Variants in TMEM232 observed in about 807,000 individuals in gnomAD.
TMEM232 encodes the protein transmembrane protein 232.
A neutral mutation model predicts 78.8 loss-of-function variants in TMEM232; 80 were observed. The observed-to-expected ratio is 1.01, with a 90% CI of 0.85 to 1.22. TMEM232 has a LOEUF of 1.22. Ranked by LOEUF, TMEM232 falls within the 50% of genes most tolerant of loss-of-function variation. The pLI is 0.00. For missense variants in TMEM232, 881 were observed against 742.2 expected (o/e 1.19, Z -2.17); for synonymous variants, 297 against 254.3 (o/e 1.17, Z -1.60).
chr5:110,465,386 C>G (rs1440161062), intron 12 of TMEM232, among the ~76,000 whole-genome samples: 1 of 152,154 alleles, frequency 6.6e-6, no homozygotes, highest in Non-Finnish European at 1.5e-5. Flanking sequence ...AAGGCAGCCT[C>G]TATAAAAGGG....
At chr5:110,572,095 AAGG>A (rs1777016194) in intron 10 of TMEM232, among the ~76,000 whole-genome samples, 1 of 151,962 alleles carries the variant, frequency 6.6e-6, no homozygotes, top group South Asian at 2.1e-4. Context: ...ATACAGGGGA[AAGG>A]AGAAGTACAT....
intron 12 of TMEM232, among the ~76,000 whole-genome samples, chr5:110,490,208 C>T (rs941426343): frequency 3.3e-5 from 5 of 150,376 alleles, no homozygotes; most frequent in Middle Eastern, 3.5e-3. Context: ...AATTGTATTG[C>T]TATACACTAT....
intron 12 of TMEM232, among the ~76,000 whole-genome samples, chr5:110,444,832 T>C (rs1281627484): frequency 6.6e-6 from 1 of 152,154 alleles, no homozygotes; most frequent in Non-Finnish European, 1.5e-5. Context: ...TTGCTTCTTA[T>C]TTTTTCTGAA....
intron 11 of TMEM232, among the ~76,000 whole-genome samples, chr5:110,557,104 G>A (rs1775181902): frequency 6.6e-6 from 1 of 151,966 alleles, no homozygotes; most frequent in South Asian, 2.1e-4. Context: ...ATCTGACTGA[G>A]TTGACTTGAA....
chr5:110,615,837 ACTGCTATATACTAATGACAGAATAT>A (rs1782856204), intron 8 of TMEM232, among the ~76,000 whole-genome samples: 1 of 151,994 alleles, frequency 6.6e-6, no homozygotes, highest in African/African-American at 2.4e-5. Context: ...AATCAATAGC[ACTGCTATATACTAATGACAGAATAT>A]CTGAAGAAGA....
intron 12 of TMEM232, among the ~76,000 whole-genome samples, chr5:110,525,604 A>C (rs1044045503): frequency 3.5e-4 from 53 of 152,034 alleles, no homozygotes; most frequent in African/African-American, 1.2e-3. Context: ...AACATTATGG[A>C]GTGTTAATTT....
At chr5:110,689,930 C>A in intron 1 of TMEM232, among the ~76,000 whole-genome samples, 1 of 152,106 alleles carries the variant, frequency 6.6e-6, no homozygotes, top group Non-Finnish European at 1.5e-5. Flanking sequence ...ACTGGCTAGC[C>A]ATATGGAGAA....
chr5:110,527,032 T>C (rs1770706867), intron 12 of TMEM232, among the ~76,000 whole-genome samples: 1 of 151,886 alleles, frequency 6.6e-6, no homozygotes, highest in South Asian at 2.1e-4. Flanking sequence ...GTATTATATT[T>C]GCATTTTATA....
intron 1 of TMEM232, among the ~76,000 whole-genome samples, chr5:110,722,682 T>C (rs1479726895): frequency 6.6e-6 from 1 of 152,158 alleles, no homozygotes; most frequent in African/African-American, 2.4e-5. Context: ...CCACATTTTA[T>C]TGGTCATACA....
At chr5:110,615,793 T>C (rs920169596) in intron 8 of TMEM232, among the ~76,000 whole-genome samples, 3 of 151,922 alleles carry the variant, frequency 2.0e-5, no homozygotes, top group Non-Finnish European at 4.4e-5. Flanking sequence ...TTCAGTAAAA[T>C]TGAAATTTTC....
At chr5:110,599,194 C>T (rs1472264133) in intron 10 of TMEM232, among the ~76,000 whole-genome samples, 2 of 151,902 alleles carry the variant, frequency 1.3e-5, no homozygotes, top group Admixed American at 1.3e-4. Flanking sequence ...AAGGAAAGAC[C>T]AGTACCAGCC....
intron 5 of TMEM232, among the ~76,000 whole-genome samples, chr5:110,636,214 C>T (rs982146755): frequency 2.6e-5 from 4 of 151,878 alleles, no homozygotes; most frequent in African/African-American, 4.8e-5. Context: ...AAGACTTGCT[C>T]TCATGGACAA....
chr5:110,576,708 T>A (rs190537095), intron 10 of TMEM232, among the ~76,000 whole-genome samples: 13 of 151,968 alleles, frequency 8.6e-5, no homozygotes, highest in Admixed American at 2.6e-4. Flanking sequence ...TGGAACAGAA[T>A]AGAGAACCCA....
At chr5:110,523,821 T>A (rs908892400) in intron 12 of TMEM232, among the ~76,000 whole-genome samples, 1 of 151,002 alleles carries the variant, frequency 6.6e-6, no homozygotes, top group Non-Finnish European at 1.5e-5. Context: ...CCTAGCTGAG[T>A]GTAGTGTCAT....
intron 10 of TMEM232, among the ~76,000 whole-genome samples, chr5:110,594,530 G>A (rs1290547665): frequency 6.6e-6 from 1 of 152,156 alleles, no homozygotes; most frequent in Non-Finnish European, 1.5e-5. Context: ...CCACCTTTAT[G>A]GAGCCCAGCA....
chr5:110,397,796 T>C (rs1755448178), exon 3 of TMEM232: 1 of 152,610 alleles, frequency 6.6e-6, no homozygotes, highest in African/African-American at 2.4e-5. Context: ...ATGTGATATA[T>C]GTTGTCTTCT....
chr5:110,505,321 T>C (rs906727876), intron 12 of TMEM232, among the ~76,000 whole-genome samples: 6 of 152,136 alleles, frequency 3.9e-5, no homozygotes, highest in African/African-American at 9.6e-5. Flanking sequence ...GGACCCATCA[T>C]AGGTGGAAGT....
At chr5:110,697,145 A>G (rs138147843) in intron 1 of TMEM232, among the ~76,000 whole-genome samples, 3,723 of 152,280 alleles carry the variant, frequency 0.024, 47 homozygotes, top group African/African-American at 0.033. Flanking sequence ...ATAATGCCGC[A>G]TATCTGCAAC....
At chr5:110,709,693 T>C (rs1020723152) in intron 1 of TMEM232, among the ~76,000 whole-genome samples, 2 of 152,046 alleles carry the variant, frequency 1.3e-5, no homozygotes, top group African/African-American at 4.8e-5. Context: ...CAAATGTTAA[T>C]GGAAACACAA....
Sources: allele counts gnomAD v4.1 joint callset (sites outside exome capture counted in the v4.1 genomes callset), GRCh38; gene constraint gnomAD v4.1.1; transcripts MANE v1.5; gene names NCBI Gene and HGNC (gene_info 2026-07-23, HGNC 2026-07-21).